The following ADGRL2 variants were observed in gnomAD, a reference collection of about 807,000 sequenced individuals.
ADGRL2 encodes the protein calcium-independent alpha-latrotoxin receptor 2.
A neutral mutation model predicts 157.4 loss-of-function variants in ADGRL2; 44 were observed. The observed-to-expected ratio is 0.28, with a 90% CI of 0.22 to 0.36. The LOEUF is 0.36. Ranked by LOEUF, ADGRL2 falls within the 10% of genes least tolerant of loss-of-function variation. The probability of loss-of-function intolerance (pLI) is 1.00; values close to 1 mark genes in which losing one functional copy is unlikely to be tolerated. For synonymous variants in ADGRL2, 585 were observed against 624.7 expected, an observed-to-expected ratio of 0.94 and a Z score of 0.95; for missense variants, 1,510 against 1,768.9, an observed-to-expected ratio of 0.85 and a Z score of 2.63.
At chr1:81,605,962 AC>A (rs1480851619) in intron 3 of ADGRL2, among the ~76,000 whole-genome samples, 1 of 151,938 alleles carries the variant, frequency 6.6e-6, no homozygotes, top group Non-Finnish European at 1.5e-5. Flanking sequence ...CCTTATCCCA[AC>A]CTCTTTATTA....
At chr1:81,494,536 A>G (rs2078694485) in intron 2 of ADGRL2, among the ~76,000 whole-genome samples, 1 of 152,116 alleles carries the variant, frequency 6.6e-6, no homozygotes, top group African/African-American at 2.4e-5. Flanking sequence ...ATTTCATGTC[A>G]CCACTGAGAA....
chr1:81,639,986 C>T (rs1279749155), intron 3 of ADGRL2, among the ~76,000 whole-genome samples: 2 of 152,088 alleles, frequency 1.3e-5, no homozygotes, highest in Admixed American at 6.5e-5. Flanking sequence ...GTAGACTCCT[C>T]GTCTGGTCAT....
chr1:81,606,836 C>G (rs991011679), intron 3 of ADGRL2, among the ~76,000 whole-genome samples: 5 of 151,952 alleles, frequency 3.3e-5, no homozygotes, highest in Non-Finnish European at 7.4e-5. Flanking sequence ...TCATTTGTGG[C>G]TTTCATATAA....
At chr1:81,669,676 T>C (rs536024867) in intron 3 of ADGRL2, among the ~76,000 whole-genome samples, 219 of 151,962 alleles carry the variant, frequency 1.4e-3, no homozygotes, top group South Asian at 0.011. Flanking sequence ...GGTGTGGTGG[T>C]GCACACCTGT....
chr1:81,316,369 CA>C (rs1228157463), intron 1 of ADGRL2, among the ~76,000 whole-genome samples: 2 of 152,210 alleles, frequency 1.3e-5, no homozygotes, highest in African/African-American at 4.8e-5. Flanking sequence ...CAGGATCAAA[CA>C]AAATTACCTT....
intron 1 of ADGRL2, among the ~76,000 whole-genome samples, chr1:81,738,634 G>T (rs1011398878): frequency 1.7e-4 from 26 of 152,296 alleles, no homozygotes; most frequent in African/African-American, 6.3e-4. Context: ...ACATGCAGTG[G>T]GGTATCCTTT....
At chr1:81,373,927 A>G (rs909459595) in intron 1 of ADGRL2, among the ~76,000 whole-genome samples, 3 of 152,236 alleles carry the variant, frequency 2.0e-5, no homozygotes, top group African/African-American at 7.2e-5. Flanking sequence ...ACATTCAATA[A>G]ATGTGATCAT....
intron 3 of ADGRL2, among the ~76,000 whole-genome samples, chr1:81,643,993 A>T (rs1240564948): frequency 3.3e-5 from 5 of 152,218 alleles, no homozygotes; most frequent in Non-Finnish European, 7.3e-5. Flanking sequence ...ATAAATTTAC[A>T]TTAATCAAGA....
intron 1 of ADGRL2, among the ~76,000 whole-genome samples, chr1:81,747,209 G>GTA (rs1408820339): frequency 6.9e-6 from 1 of 145,726 alleles, no homozygotes; most frequent in African/African-American, 2.5e-5. Context: ...GTATATATAT[G>GTA]TATGTGTGTA....
At chr1:81,331,440 A>G (rs889642589) in intron 1 of ADGRL2, among the ~76,000 whole-genome samples, 25 of 152,166 alleles carry the variant, frequency 1.6e-4, no homozygotes, top group African/African-American at 5.1e-4. Flanking sequence ...ACAATGATAT[A>G]TCAAGTCACA....
chr1:81,873,011 G>A (rs1034778205), intron 2 of ADGRL2, among the ~76,000 whole-genome samples: 7 of 152,142 alleles, frequency 4.6e-5, no homozygotes, highest in South Asian at 2.1e-4. Context: ...CAAATTTATA[G>A]TATGAAATCA....
At chr1:81,402,510 G>T (rs894139675) in intron 1 of ADGRL2, among the ~76,000 whole-genome samples, 3 of 152,090 alleles carry the variant, frequency 2.0e-5, no homozygotes, top group Admixed American at 6.5e-5. Flanking sequence ...TAACCTATAG[G>T]TTCTAACCAT....
rs946645220 is a variant in ADGRL2, at chr1:81,991,048, G to A, written c.4313G>A (p.Gly1438Asp). 5 of 1,613,840 alleles carry A rather than the reference G, an allele frequency of 3.1e-6. No homozygotes were observed. Among genetic ancestry groups the A allele is most frequent in the African/African-American group, 1.3e-5 (1 of 75,046 alleles). ...CAGATGTGCTACCAGATCAGCAGGG[G>A]CAATAGTGATGGTTATATAATCCCC... ...QLQMCYQISR[G>D]NSDGYIIPIN... The change falls in exon 24 of 24, where the codon GGC (glycine) becomes GAC (aspartate). Residue 1438 changes from glycine (G) to aspartate (D), a missense_variant. Physicochemically the swap from Gly to Asp is moderately conservative, Grantham distance 94. This residue lies in a region of ADGRL2 where 327 missense variants were observed against 310.1 expected (regional missense o/e 1.05). Transcript: ENST00000686636.
At chr1:81,475,595 A>G (rs1205861138) in intron 2 of ADGRL2, among the ~76,000 whole-genome samples, 1 of 152,176 alleles carries the variant, frequency 6.6e-6, no homozygotes, top group Non-Finnish European at 1.5e-5. Context: ...GAATGCTAAA[A>G]CCTTTAATAA....
chr1:81,838,654 C>T (rs975325932), intron 2 of ADGRL2, among the ~76,000 whole-genome samples: 3 of 151,922 alleles, frequency 2.0e-5, no homozygotes, highest in Non-Finnish European at 4.4e-5. Context: ...AAAAAGATTC[C>T]AGGTGTGGAC....
At chr1:81,455,094 C>T (rs1021440413) in intron 2 of ADGRL2, among the ~76,000 whole-genome samples, 2 of 152,164 alleles carry the variant, frequency 1.3e-5, no homozygotes, top group African/African-American at 2.4e-5. Flanking sequence ...AGAAACCTAA[C>T]CAAGAGAGAA....
intron 2 of ADGRL2, among the ~76,000 whole-genome samples, chr1:81,481,442 C>A (rs2078384682): frequency 6.6e-6 from 1 of 152,156 alleles, no homozygotes; most frequent in African/African-American, 2.4e-5. Flanking sequence ...TCTCCTGTCC[C>A]TTGTAAGATT....
chr1:81,773,186 T>C (rs1288908445), intron 2 of ADGRL2, among the ~76,000 whole-genome samples: 1 of 152,186 alleles, frequency 6.6e-6, no homozygotes, highest in Admixed American at 6.5e-5. Context: ...GCAAGGCTGA[T>C]TCTGAGCCTT....
chr1:81,834,697 A>G (rs1474418987), intron 1 of ADGRL2, among the ~76,000 whole-genome samples: 2 of 151,740 alleles, frequency 1.3e-5, no homozygotes, highest in Admixed American at 6.6e-5. Context: ...AATAAATTTG[A>G]CTTTTTTTTT....
Sources: gnomAD v4.1 joint callset for allele counts (sites outside exome capture counted in the v4.1 genomes callset) on GRCh38, gnomAD v4.1.1 for gene constraint, gnomAD v4.1.1 regional missense constraint, MANE v1.5 for transcripts, NCBI Gene and HGNC (gene_info 2026-07-23, HGNC 2026-07-21) for gene names.